The following POFUT2 variants were observed in gnomAD, a reference collection of about 807,000 sequenced individuals.
POFUT2 encodes GDP-fucose protein O-fucosyltransferase 2.
Under a neutral mutation model 55.0 loss-of-function variants are expected in POFUT2, and 30 were observed. That is an observed-to-expected ratio of 0.55 (90% CI 0.41 to 0.74). POFUT2 has a LOEUF of 0.74. Ranked by LOEUF, POFUT2 falls within the 30% of genes least tolerant of loss-of-function variation. The probability of loss-of-function intolerance (pLI) is 0.00; values close to 1 mark genes in which losing one functional copy is unlikely to be tolerated. For synonymous variants in POFUT2, 267 were observed against 231.1 expected, an observed-to-expected ratio of 1.16 and a Z score of -1.41; for missense variants, 524 against 562.6, an observed-to-expected ratio of 0.93 and a Z score of 0.69.
chr21:45,287,492 C>T (rs1203201668), intron 1 of POFUT2, among the ~76,000 whole-genome samples: 4 of 90,926 alleles, frequency 4.4e-5, no homozygotes, highest in African/African-American at 1.9e-4. Context: ...ATTCCTTGCC[C>T]CAGAACCCTG....
intron 6 of POFUT2, among the ~76,000 whole-genome samples, chr21:45,273,720 A>C (rs1364253911): frequency 2.6e-5 from 4 of 152,210 alleles, no homozygotes; most frequent in Non-Finnish European, 5.9e-5. Context: ...AAATCATATG[A>C]TCATTTCAAT....
chr21:45,287,596 T>A lies in POFUT2; in HGVS notation c.131+145A>T, dbSNP rs1305552696. 4 of 421,240 alleles carry A rather than the reference T, an allele frequency of 9.5e-6. No homozygotes were observed. In the African/African-American group the frequency reaches 2.2e-4, roughly 23 times the overall value. The allele number at this position is 421,240 out of a possible 1,614,324, so 26.1% of individuals were successfully genotyped here. ...ATAACTCCGCTCCATTCCATCTCCC[T>A]GGCCCCGGACCACCCTCCATCCCGT... On this transcript the variant is annotated intron_variant, in intron 1 of 8. Coordinates refer to ENST00000349485, the MANE Select transcript of POFUT2 (RefSeq NM_133635.6).
At chr21:45,273,610 C>CACA (rs1316763664) in intron 6 of POFUT2, among the ~76,000 whole-genome samples, 4 of 152,098 alleles carry the variant, frequency 2.6e-5, no homozygotes. Flanking sequence ...AAAAAGATAA[C>CACA]ACAACATGAT....
At chr21:45,272,245 G>A (rs968808222) in intron 6 of POFUT2, among the ~76,000 whole-genome samples, 3 of 152,160 alleles carry the variant, frequency 2.0e-5, no homozygotes, top group African/African-American at 7.2e-5. Flanking sequence ...CACCAAAAGC[G>A]AGTACAGTAG....
At chr21:45,276,158 C>A (rs571031199) in intron 6 of POFUT2, among the ~76,000 whole-genome samples, 2 of 151,736 alleles carry the variant, frequency 1.3e-5, no homozygotes, top group African/African-American at 4.8e-5. Flanking sequence ...CACTGCACTC[C>A]GGCCTGGGCG....
At position 45,270,605 on chromosome 21, in the gene POFUT2, G is replaced by A. The variant is rs576893513; in HGVS notation, c.832-586C>T. Among the ~76,000 whole-genome samples, 5 of 152,340 alleles carry A rather than the reference G, an allele frequency of 3.3e-5. No homozygotes were observed. The highest frequency in any genetic ancestry group is 9.6e-5 in the African/African-American group (4 of 41,568). On this transcript the variant is annotated intron_variant, in intron 6 of 8. Coordinates refer to ENST00000349485, the MANE Select transcript of POFUT2 (RefSeq NM_133635.6). The surrounding 1 kb of genome is among the most constrained non-coding windows in gnomAD (Gnocchi z 4.6). ...ATAACCAGCATTCGAGAAAGCCAGT[G>A]CACTCAACAAAACTACAACCAAGGA... is the stretch of plus-strand genomic sequence containing the variant.
Position 45,282,846 on chromosome 21 carries a change from G to A in POFUT2, c.528-387C>T. The stretch of plus-strand genomic sequence containing the variant: ...CAGCTGCCCTGGCACTGGACACATG[G>A]AGGCTGTTAACTGACAGCTTTTCCA... On this transcript the variant is annotated intron_variant, in intron 3 of 8. Transcript: ENST00000349485. The surrounding 1 kb of genome is among the most constrained non-coding windows in gnomAD (Gnocchi z 4.6). The A allele has an allele frequency of 2.1e-6, 1 of 481,958 alleles. No homozygotes were observed. The highest frequency in any genetic ancestry group is 4.3e-6 in the Non-Finnish European group (1 of 234,868). 29.9% of individuals were successfully genotyped at this position (481,958 alleles called of 1,614,324 possible).
rs1395298209 is a variant in POFUT2, at chr21:45,285,383, CA to C, written c.382+294del. 5 of 420,034 alleles carry C rather than the reference CA, an allele frequency of 1.2e-5. No individual in the cohort carries two copies. The highest frequency in any genetic ancestry group is 3.4e-5 in the Admixed American group (1 of 29,174). The allele number at this position is 420,034 out of a possible 1,614,324, so 26.0% of individuals were successfully genotyped here. A position where few individuals can be genotyped will look rare whatever the true frequency, so the allele number is the denominator to read the frequency against. ...AGCCGAGTCCTGTCACTATAACACC[CA>C]GGGGTGGCCGCTTTCTTAGGGTGTA... On this transcript the variant is annotated intron_variant, in intron 2 of 8. Transcript: ENST00000349485. The surrounding 1 kb of genome is among the most constrained non-coding windows in gnomAD (Gnocchi z 4.9).
Position 45,267,767 on chromosome 21 carries a change from T to TA in POFUT2, c.1013-55dup, listed in dbSNP as rs1252094318. Reference sequence around the variant, plus strand: ...ACCGGGATCCTCCAGTAAGGACAGATACGTGACTCTTTAGCAGACAGACAT... The same window carrying TA: ...ACCGGGATCCTCCAGTAAGGACAGATAACGTGACTCTTTAGCAGACAGACAT... On this transcript the variant is annotated intron_variant, in intron 7 of 8. Coordinates refer to ENST00000349485, the MANE Select transcript of POFUT2 (RefSeq NM_133635.6). The surrounding 1 kb of genome is among the most constrained non-coding windows in gnomAD (Gnocchi z 4.4). The TA allele has an allele frequency of 6.6e-7, 1 of 1,509,376 alleles. No individual in the cohort carries two copies. The highest frequency in any genetic ancestry group is 1.4e-5 in the African/African-American group (1 of 72,512). The allele number at this position is 1,509,376 out of a possible 1,614,324, so 93.5% of individuals were successfully genotyped here.
rs1602239478 is a variant in POFUT2 at position 45,285,931 on chromosome 21, G to A, written c.132-3C>T. On this transcript the variant is annotated splice_region_variant and splice_polypyrimidine_tract_variant and intron_variant, in intron 1 of 8. Coordinates refer to ENST00000349485, the MANE Select transcript of POFUT2 (RefSeq NM_133635.6). The surrounding 1 kb of genome is among the most constrained non-coding windows in gnomAD (Gnocchi z 4.9). Reference sequence around the variant, plus strand: ...GGTTGACGTCATACAGAAGATACCTGAGCAGGGAGAAGGAGGACCACAGGT... The same window carrying A: ...GGTTGACGTCATACAGAAGATACCTAAGCAGGGAGAAGGAGGACCACAGGT... The A allele has an allele frequency of 6.3e-7, 1 of 1,597,464 alleles. No homozygotes were observed. The highest frequency in any genetic ancestry group is 2.2e-5 in the East Asian group (1 of 44,586).
In POFUT2 at chr21:45,265,756, ACGGCCGTCCCCCGAGCACCCACCAGC is replaced by A. The variant is rs2093147808; in HGVS notation, c.1137-147_1137-122del. On this transcript the variant is annotated intron_variant, in intron 8 of 8. Coordinates refer to ENST00000349485, the MANE Select transcript of POFUT2 (RefSeq NM_133635.6). This position sits in a 1 kb window ranked among gnomAD's most constrained non-coding sequence, Gnocchi z 4.6. ...AGTTCCACAGTTACATGGAACCAAC[ACGGCCGTCCCCCGAGCACCCACCAGC>A]CGGCCGCCCCCTTGCTGGCACCCCT... The A allele has an allele frequency of 2.0e-6, 3 of 1,463,746 alleles. No homozygotes were observed. The highest frequency in any genetic ancestry group is 2.7e-6 in the Non-Finnish European group (3 of 1,112,530). 90.7% of individuals were successfully genotyped at this position (1,463,746 alleles called of 1,614,324 possible). A position where few individuals can be genotyped will look rare whatever the true frequency, so the allele number is the denominator to read the frequency against.
chr21:45,267,314 C>T lies in POFUT2; in HGVS notation c.1136+276G>A. On this transcript the variant is annotated intron_variant, in intron 8 of 8. Coordinates refer to ENST00000349485, the MANE Select transcript of POFUT2 (RefSeq NM_133635.6). This position sits in a 1 kb window ranked among gnomAD's most constrained non-coding sequence, Gnocchi z 4.4. Reference sequence around the variant, plus strand: ...AACCGGGAATGATGGGAAAATGCGACACAAGAAGAGGTTCTGAGACGAGGC... The same window carrying T: ...AACCGGGAATGATGGGAAAATGCGATACAAGAAGAGGTTCTGAGACGAGGC... 2 of 1,478,004 alleles carry T rather than the reference C, an allele frequency of 1.4e-6. No homozygotes were observed. The allele number at this position is 1,478,004 out of a possible 1,614,324, so 91.6% of individuals were successfully genotyped here. A position where few individuals can be genotyped will look rare whatever the true frequency, so the allele number is the denominator to read the frequency against.
In POFUT2 at chr21:45,278,099, T is replaced by A; in HGVS notation, c.705+4A>T. The A allele has an allele frequency of 6.2e-7, 1 of 1,611,690 alleles. No homozygotes were observed. Among genetic ancestry groups the A allele is most frequent in the Non-Finnish European group, 8.5e-7 (1 of 1,177,818 alleles). On this transcript the variant is annotated splice_donor_region_variant and intron_variant, in intron 5 of 8. Transcript: ENST00000349485. ...GAGAAAAACGCTCCCGAGGAAACAC[T>A]CACATCCCAGTATTCTTTCCCTCCA...
chr21:45,267,294 G>A lies in POFUT2; in HGVS notation c.1136+296C>T. The A allele has an allele frequency of 6.9e-7, 1 of 1,455,970 alleles. No homozygotes were observed. The highest frequency in any genetic ancestry group is 1.5e-5 in the South Asian group (1 of 68,526). The allele number at this position is 1,455,970 out of a possible 1,614,324, so 90.2% of individuals were successfully genotyped here. The stretch of plus-strand genomic sequence containing the variant: ...AGGGGGCAGACAGGGGCAGAAACCG[G>A]GAATGATGGGAAAATGCGACACAAG... On this transcript the variant is annotated intron_variant, in intron 8 of 8. Transcript: ENST00000349485. The surrounding 1 kb of genome is among the most constrained non-coding windows in gnomAD (Gnocchi z 4.4).
rs1055617647 is a variant in POFUT2, at chr21:45,264,874, C to T, written c.*608G>A. 6.6e-6 allele frequency: 1 copy of T among 152,228 alleles called. No homozygotes were observed. The highest frequency in any genetic ancestry group is 1.5e-5 in the Non-Finnish European group (1 of 68,138). 9.4% of individuals were successfully genotyped at this position (152,228 alleles called of 1,614,324 possible). ...AGCAGTAGGGCCTGAACTGTCATCC[C>T]TCCACGGGGCTCCCTGAGGCCTCAG... On this transcript the variant is annotated 3_prime_UTR_variant, in exon 9 of 9. Transcript: ENST00000349485.
At chr21:45,274,985 G>C (rs11911354) in intron 6 of POFUT2, among the ~76,000 whole-genome samples, 1 of 152,000 alleles carries the variant, frequency 6.6e-6, no homozygotes, top group Admixed American at 6.6e-5. Flanking sequence ...AACAATCAGC[G>C]AACAGCTCCC....
At position 45,282,133 on chromosome 21, in the gene POFUT2, C is replaced by T. The variant is rs962253870; in HGVS notation, c.638+216G>A. ...GAGCCCTCACCTCTGTGCCCCTCAC[C>T]CGCTGTCCACGTCACCCACTGCACC... On this transcript the variant is annotated intron_variant, in intron 4 of 8. Coordinates refer to ENST00000349485, the MANE Select transcript of POFUT2 (RefSeq NM_133635.6). The surrounding 1 kb of genome is among the most constrained non-coding windows in gnomAD (Gnocchi z 4.6). Among the ~76,000 whole-genome samples, 1 of 152,198 alleles carries T rather than the reference C, an allele frequency of 6.6e-6. No homozygotes were observed. Among genetic ancestry groups the T allele is most frequent in the African/African-American group, 2.4e-5 (1 of 41,450 alleles).
intron 2 of POFUT2, among the ~76,000 whole-genome samples, chr21:45,283,755 AT>A (rs1279706958): frequency 6.6e-6 from 1 of 152,040 alleles, no homozygotes; most frequent in African/African-American, 2.4e-5. Flanking sequence ...CTGGTACCCG[AT>A]TCCCCGGCCC....
rs1214016865 is a variant in POFUT2, at chr21:45,265,347, T to C, written c.*135A>G. The C allele has an allele frequency of 5.4e-6, 4 of 745,644 alleles. No homozygotes were observed. The highest frequency in any genetic ancestry group is 3.1e-5 in the Admixed American group (1 of 32,156). The allele number at this position is 745,644 out of a possible 1,614,324, so 46.2% of individuals were successfully genotyped here. On this transcript the variant is annotated 3_prime_UTR_variant, in exon 9 of 9. Coordinates refer to ENST00000349485, the MANE Select transcript of POFUT2 (RefSeq NM_133635.6). The surrounding 1 kb of genome is among the most constrained non-coding windows in gnomAD (Gnocchi z 4.6). ...CCAGCTCTAGAGGCGTGGGGCCTCTTCTGGGCCTGGGACCCTGCGAGGGAC... is the reference window on the plus strand; with the variant it reads ...CCAGCTCTAGAGGCGTGGGGCCTCTCCTGGGCCTGGGACCCTGCGAGGGAC...
Sources: gnomAD v4.1 joint callset for allele counts (sites outside exome capture counted in the v4.1 genomes callset) on GRCh38, gnomAD v4.1.1 for gene constraint, Gnocchi (gnomAD v3.1) non-coding constraint, MANE v1.5 for transcripts, NCBI Gene and HGNC (gene_info 2026-07-23, HGNC 2026-07-21) for gene names.